Variants in RBFOX1 observed in about 807,000 individuals in gnomAD.
RBFOX1 encodes the protein RNA binding fox-1 homolog 1.
RBFOX1 carries 8 observed loss-of-function variants against 57.7 expected under a neutral mutation model. That is an observed-to-expected ratio of 0.14 (90% CI 0.08 to 0.25). The LOEUF (loss-of-function observed/expected upper bound fraction) is 0.25, where lower values mean the gene tolerates loss of function less well. RBFOX1 is among the 10% of genes least tolerant of loss of function. The pLI is 1.00. For synonymous variants in RBFOX1, 326 were observed against 222.4 expected (o/e 1.47, Z -4.15); for missense variants, 611 against 548.5 (o/e 1.11, Z -1.14).
intron 4 of RBFOX1, among the ~76,000 whole-genome samples, chr16:7,291,098 G>A (rs144013658): frequency 1.2e-4 from 19 of 152,160 alleles, no homozygotes; most frequent in African/African-American, 4.3e-4. Flanking sequence ...CATGCACTGG[G>A]CATAAGTGAT....
chr16:5,922,950 C>T (rs1223781335), intron 4 of RBFOX1, among the ~76,000 whole-genome samples: 2 of 152,186 alleles, frequency 1.3e-5, no homozygotes, highest in Non-Finnish European at 2.9e-5. Flanking sequence ...ATGGGCTCTT[C>T]CTTTCTTCCC....
At chr16:7,575,337 G>A (rs1029591318) in intron 5 of RBFOX1, among the ~76,000 whole-genome samples, 1 of 152,076 alleles carries the variant, frequency 6.6e-6, no homozygotes, top group Non-Finnish European at 1.5e-5. Context: ...GTTTCACCAT[G>A]TTGGTCAGGC....
At chr16:6,122,698 A>G (rs2096560128) in intron 1 of RBFOX1, among the ~76,000 whole-genome samples, 1 of 152,092 alleles carries the variant, frequency 6.6e-6, no homozygotes, top group African/African-American at 2.4e-5. Flanking sequence ...TGAAGGGGAA[A>G]GGAGTAACTT....
chr16:7,065,676 G>A (rs2055820366), intron 4 of RBFOX1, among the ~76,000 whole-genome samples: 3 of 152,000 alleles, frequency 2.0e-5, no homozygotes, highest in African/African-American at 2.4e-5. Context: ...TAAAATTTAC[G>A]CTCTCAGCAG....
chr16:5,328,377 A>T (rs1421961599), intron 1 of RBFOX1, among the ~76,000 whole-genome samples: 2 of 152,192 alleles, frequency 1.3e-5, no homozygotes, highest in East Asian at 3.8e-4. Flanking sequence ...AAAAAAATCA[A>T]ATCTACCAAC....
intron 2 of RBFOX1, chr16:6,483,611 A>G: frequency 8.5e-7 from 1 of 1,171,766 alleles, no homozygotes; most frequent in Non-Finnish European, 1.1e-6. Flanking sequence ...AGAGGGAGGG[A>G]GGGAAGGGAG....
intron 3 of RBFOX1, among the ~76,000 whole-genome samples, chr16:7,045,622 A>G (rs1222949747): frequency 6.6e-6 from 1 of 151,948 alleles, no homozygotes; most frequent in African/African-American, 2.4e-5. Context: ...ATTTGAAGGC[A>G]GATGTTAAAA....
chr16:6,337,795 G>A (rs549131069), intron 2 of RBFOX1, among the ~76,000 whole-genome samples: 2 of 152,260 alleles, frequency 1.3e-5, no homozygotes, highest in Admixed American at 1.3e-4. Context: ...ATTTTTCCAC[G>A]TTGAGACGAA....
At position 7,038,828 on chromosome 16, in the gene RBFOX1, G is replaced by T. The variant is rs373381467; in HGVS notation, c.-15-13229G>T. On this transcript the variant is annotated intron_variant, in intron 3 of 15. Transcript: ENST00000550418. ...TTGATAATGGGGTCTTTACCAAGAG[G>T]GTGCATGGCAGAGCAAGTGTGAAAA... 5.3e-4 allele frequency among the ~76,000 whole-genome samples: 81 copies of T among 152,174 alleles called. 1 individual carries two copies. In the South Asian group the frequency reaches 0.017, roughly 31 times the overall value.
At chr16:6,823,790 T>A (rs1378304190) in intron 3 of RBFOX1, among the ~76,000 whole-genome samples, 1 of 151,870 alleles carries the variant, frequency 6.6e-6, no homozygotes, top group Non-Finnish European at 1.5e-5. Context: ...ATAGGAAAAC[T>A]AATAATAGGA....
intron 11 of RBFOX1, 94 bp downstream of exon 11, chr16:7,630,777 C>T: frequency 6.5e-7 from 1 of 1,547,574 alleles, no homozygotes; most frequent in Non-Finnish European, 8.7e-7. Context: ...CTCCCTCTGC[C>T]CCACCCTCTC....
intron 2 of RBFOX1, among the ~76,000 whole-genome samples, chr16:5,485,393 A>G (rs1325586829): frequency 1.3e-5 from 2 of 150,262 alleles, no homozygotes; most frequent in African/African-American, 4.9e-5. Context: ...CTATTACTCA[A>G]CGGAATAGGA....
intron 3 of RBFOX1, among the ~76,000 whole-genome samples, chr16:5,706,630 C>G (rs1482635199): frequency 6.6e-6 from 1 of 152,136 alleles, no homozygotes; most frequent in Non-Finnish European, 1.5e-5. Flanking sequence ...TTAATTTTCT[C>G]CAGAGTGTCT....
chr16:7,193,337 C>G (rs1364300013), intron 4 of RBFOX1, among the ~76,000 whole-genome samples: 3 of 152,208 alleles, frequency 2.0e-5, no homozygotes, highest in Non-Finnish European at 4.4e-5. Flanking sequence ...AACTCAGATT[C>G]TTCCCTAGAA....
chr16:5,905,553 A>C (rs1437009814), intron 4 of RBFOX1, among the ~76,000 whole-genome samples: 2 of 152,134 alleles, frequency 1.3e-5, no homozygotes, highest in African/African-American at 2.4e-5. Flanking sequence ...CTCTACAAAA[A>C]AATGCAAAAA....
intron 3 of RBFOX1, among the ~76,000 whole-genome samples, chr16:6,991,563 G>C (rs928568329): frequency 3.3e-5 from 5 of 152,064 alleles, no homozygotes; most frequent in African/African-American, 1.2e-4. Context: ...TTGAGATGGG[G>C]TCCCACTCTG....
Position 6,924,569 on chromosome 16 carries a change from T to C in RBFOX1, c.-15-127488T>C, listed in dbSNP as rs564270553. ...ACATGAGATTTAGAGAGGACACATA[T>C]CCAAACTGTATCACCGAGCCTCCAT... On this transcript the variant is annotated intron_variant, in intron 3 of 15. Coordinates refer to ENST00000550418, the MANE Select transcript of RBFOX1 (RefSeq NM_018723.4). Among the ~76,000 whole-genome samples, 309 of 152,142 alleles carry C rather than the reference T, an allele frequency of 2.0e-3. 1 individual carries two copies. Among genetic ancestry groups the C allele is most frequent in the Non-Finnish European group, 2.8e-3 (191 of 67,984 alleles).
chr16:7,345,410 T>G (rs550970056), intron 4 of RBFOX1, among the ~76,000 whole-genome samples: 19 of 152,346 alleles, frequency 1.2e-4, no homozygotes, highest in Middle Eastern at 3.4e-3. Flanking sequence ...GCCCTGTATT[T>G]GCCTGTAGCA....
chr16:5,240,018 A>G, exon 1 of RBFOX1: 8 of 1,531,230 alleles, frequency 5.2e-6, no homozygotes, highest in Non-Finnish European at 7.0e-6. Flanking sequence ...GGGGAAGCGC[A>G]CAGCCCGAGG....
Sources: gnomAD v4.1 joint callset for allele counts (sites outside exome capture counted in the v4.1 genomes callset) on GRCh38, gnomAD v4.1.1 for gene constraint, MANE v1.5 for transcripts, NCBI Gene and HGNC (gene_info 2026-07-23, HGNC 2026-07-21) for gene names.